Variants in NCKAP5 observed in about 807,000 individuals in gnomAD.
NCKAP5 encodes the protein nck-associated protein 5.
A neutral mutation model predicts 167.0 loss-of-function variants in NCKAP5; 92 were observed. That is an observed-to-expected ratio of 0.55 (90% CI 0.47 to 0.66). NCKAP5 has a LOEUF of 0.66. Ranked by LOEUF, NCKAP5 falls within the 30% of genes least tolerant of loss-of-function variation. NCKAP5 has a pLI of 0.00. For synonymous variants in NCKAP5, 891 were observed against 877.4 expected, an observed-to-expected ratio of 1.02 and a Z score of -0.27; for missense variants, 2,378 against 2,315.0, an observed-to-expected ratio of 1.03 and a Z score of -0.56.
In NCKAP5 at chr2:132,967,330, T is replaced by C. The variant is rs949529893; in HGVS notation, c.430-3461A>G. Among the ~76,000 whole-genome samples the C allele has an allele frequency of 5.9e-5, 9 of 152,336 alleles. No homozygotes were observed. The East Asian group carries it at 1.5e-3, about 26-fold the overall frequency. On this transcript the variant is annotated intron_variant, in intron 7 of 19. Transcript: ENST00000409261. ...ATTACATAAAACGTCAGGGTCACTT[T>C]ACATAATTTGAAGAAAGGGCAATCA... is the stretch of plus-strand genomic sequence containing the variant.
At chr2:132,843,728 T>C (rs1688468337) in intron 11 of NCKAP5, among the ~76,000 whole-genome samples, 1 of 152,162 alleles carries the variant, frequency 6.6e-6, no homozygotes, top group Non-Finnish European at 1.5e-5. Flanking sequence ...TTATTTCTTA[T>C]ATCTTACTTT....
chr2:132,710,648 T>C (rs760231799), intron 19 of NCKAP5, among the ~76,000 whole-genome samples: 1 of 152,202 alleles, frequency 6.6e-6, no homozygotes, highest in Non-Finnish European at 1.5e-5. Flanking sequence ...CCAGGAGTAT[T>C]ATCCAGGCTA....
the NCKAP5 span, among the ~76,000 whole-genome samples, chr2:133,630,083 C>T: frequency 6.6e-6 from 1 of 152,092 alleles, no homozygotes; most frequent in Non-Finnish European, 1.5e-5. Flanking sequence ...ACCACCATGG[C>T]ACACATTTAC....
At chr2:133,605,553 T>G in the NCKAP5 span, among the ~76,000 whole-genome samples, 263 of 152,290 alleles carry the variant, frequency 1.7e-3, 9 homozygotes, top group East Asian at 0.032. Context: ...CTTGGTAGAA[T>G]AGCTTGAAAC....
intron 5 of NCKAP5, among the ~76,000 whole-genome samples, chr2:133,149,556 T>C (rs1032589637): frequency 2.0e-5 from 3 of 151,298 alleles, no homozygotes; most frequent in Non-Finnish European, 4.4e-5. Flanking sequence ...AATTAATGAC[T>C]CTTATCTAAC....
chr2:133,202,393 G>T (rs2085736496), intron 5 of NCKAP5, among the ~76,000 whole-genome samples: 1 of 152,082 alleles, frequency 6.6e-6, no homozygotes, highest in African/African-American at 2.4e-5. Context: ...AATTCAAAAT[G>T]GATTAAAGAC....
Position 132,781,116 on chromosome 2 carries a change from GTACTGATAGAGC to G in NCKAP5, c.4973_4984del (p.Ser1658_Ser1661del). The G allele has an allele frequency of 6.2e-7, 1 of 1,613,874 alleles. No homozygotes were observed. The highest frequency in any genetic ancestry group is 8.5e-7 in the Non-Finnish European group (1 of 1,179,868). On this transcript the variant is annotated inframe_deletion, in exon 15 of 20. Coordinates refer to ENST00000409261, the MANE Select transcript of NCKAP5 (RefSeq NM_207363.3). ...CATGTTTTTCTTGTGGTTTCCTTGA[GTACTGATAGAGC>G]TGCCGATGAGACAGGAGCCCTGAGA...
intron 3 of NCKAP5, among the ~76,000 whole-genome samples, chr2:133,459,350 G>A (rs1052006439): frequency 5.3e-5 from 8 of 152,074 alleles, no homozygotes; most frequent in Non-Finnish European, 1.2e-4. Flanking sequence ...CAAATTGAGA[G>A]GTGAGCTTCA....
At chr2:133,558,723 A>AAAAAAAAAAAAAC (rs1246270854) in intron 2 of NCKAP5, among the ~76,000 whole-genome samples, 2 of 147,588 alleles carry the variant, frequency 1.4e-5, no homozygotes, top group Admixed American at 6.9e-5. Flanking sequence ...AAAAAAAAAA[A>AAAAAAAAAAAAAC]AAAGCCCATA....
the NCKAP5 span, among the ~76,000 whole-genome samples, chr2:133,668,460 C>T: frequency 6.6e-6 from 1 of 151,946 alleles, no homozygotes; most frequent in African/African-American, 2.4e-5. Context: ...TCTTATTGTC[C>T]ATCTTTTTTA....
At chr2:133,063,162 A>C (rs554915595) in intron 6 of NCKAP5, among the ~76,000 whole-genome samples, 2 of 152,326 alleles carry the variant, frequency 1.3e-5, no homozygotes, top group South Asian at 4.1e-4. Context: ...TAATCACAGC[A>C]GGAGGAAGCT....
At position 132,790,041 on chromosome 2, in the gene NCKAP5, C is replaced by CCCAT; in HGVS notation, c.1070_1073dup (p.Lys359TrpfsTer15). 6.2e-7 allele frequency: 1 copy of CCCAT among 1,612,654 alleles called. No homozygotes were observed. Among genetic ancestry groups the CCCAT allele is most frequent in the Non-Finnish European group, 8.5e-7 (1 of 1,179,236 alleles). On this transcript the variant is annotated frameshift_variant, in exon 13 of 20. Transcript: ENST00000409261. LOFTEE classifies it high-confidence loss of function. ...GCCTTACCCTTTTCCTGAGGTTCTTCCCATCGTGCCACGTGTAGGAGGAGC... is the reference window on the plus strand; with the variant it reads ...GCCTTACCCTTTTCCTGAGGTTCTTCCCATCCATCGTGCCACGTGTAGGAGGAGC...
At chr2:133,444,024 A>T (rs1229218365) in intron 3 of NCKAP5, among the ~76,000 whole-genome samples, 1 of 152,206 alleles carries the variant, frequency 6.6e-6, no homozygotes, top group Non-Finnish European at 1.5e-5. Flanking sequence ...TTAAGTGCAC[A>T]AATATTGTTT....
intron 19 of NCKAP5, among the ~76,000 whole-genome samples, chr2:132,718,894 A>C (rs190103686): frequency 1.4e-3 from 209 of 152,322 alleles, no homozygotes; most frequent in African/African-American, 4.7e-3. Context: ...GTAAAATATC[A>C]AGTGGAAATG....
At chr2:133,220,193 CTGTTT>C (rs1477796459) in intron 4 of NCKAP5, among the ~76,000 whole-genome samples, 3 of 152,212 alleles carry the variant, frequency 2.0e-5, no homozygotes, top group Non-Finnish European at 4.4e-5. Context: ...CAATGCATCA[CTGTTT>C]TGTTTTGTTT....
intron 5 of NCKAP5, among the ~76,000 whole-genome samples, chr2:133,211,823 G>A (rs899777291): frequency 1.3e-5 from 2 of 152,078 alleles, no homozygotes; most frequent in African/African-American, 4.8e-5. Flanking sequence ...GAGCAACTGG[G>A]CTTGTCCTTG....
chr2:133,027,887 ATTT>A (rs1255565748), intron 6 of NCKAP5, among the ~76,000 whole-genome samples: 1 of 152,178 alleles, frequency 6.6e-6, no homozygotes, highest in East Asian at 1.9e-4. Flanking sequence ...TGCATGTTAA[ATTT>A]TTAAATCTCA....
At chr2:133,614,295 C>A in the NCKAP5 span, among the ~76,000 whole-genome samples, 1 of 148,900 alleles carries the variant, frequency 6.7e-6, no homozygotes, top group African/African-American at 2.5e-5. Context: ...ACTAGCTGGA[C>A]GGAGAATGAC....
At chr2:132,935,378 C>A (rs564273996) in intron 8 of NCKAP5, among the ~76,000 whole-genome samples, 1 of 152,070 alleles carries the variant, frequency 6.6e-6, no homozygotes, top group South Asian at 2.1e-4. Flanking sequence ...CAGCTTGAGC[C>A]GAGTTTTTGT....
Sources: allele counts gnomAD v4.1 joint callset (sites outside exome capture counted in the v4.1 genomes callset), GRCh38; gene constraint gnomAD v4.1.1; transcripts MANE v1.5; gene names NCBI Gene and HGNC (gene_info 2026-07-23, HGNC 2026-07-21).